SCN9A: variants seen among roughly 807,000 people sequenced by gnomAD.
SCN9A encodes the protein sodium channel protein type 9 subunit alpha.
In SCN9A, 131 loss-of-function variants were observed where a neutral mutation model predicts 187.0. The observed-to-expected ratio is 0.70, with a 90% confidence interval of 0.61 to 0.81. The LOEUF is 0.81. Ranked by LOEUF, SCN9A falls within the 30% of genes least tolerant of loss-of-function variation. The pLI is 0.00. For missense variants in SCN9A, 2,252 were observed against 2,396.6 expected (o/e 0.94, Z 1.26); for synonymous variants, 809 against 808.6 (o/e 1.00, Z -0.01).
chr2:166,263,985 CTGT>C (rs1404966448), intron 17 of SCN9A, among the ~76,000 whole-genome samples: 1 of 152,016 alleles, frequency 6.6e-6, no homozygotes, highest in Non-Finnish European at 1.5e-5. Flanking sequence ...GAATAAATTT[CTGT>C]TGTTGTAAGC....
At chr2:166,201,758 C>A (rs141632761) in intron 26 of SCN9A, among the ~76,000 whole-genome samples, 2 of 150,936 alleles carry the variant, frequency 1.3e-5, no homozygotes, top group Non-Finnish European at 3.0e-5. Context: ...CTCCAGAAAG[C>A]CTGTACTAAT....
chr2:166,343,067 TAACTAAA>T (rs1310869785), intron 1 of SCN9A, among the ~76,000 whole-genome samples: 2 of 152,224 alleles, frequency 1.3e-5, no homozygotes, highest in African/African-American at 4.8e-5. Context: ...CCTGTAAAAT[TAACTAAA>T]TAATGTAGTG....
intron 9 of SCN9A, among the ~76,000 whole-genome samples, chr2:166,291,712 A>T (rs914610424): frequency 3.9e-5 from 6 of 152,214 alleles, no homozygotes; most frequent in African/African-American, 9.6e-5. Flanking sequence ...TGGTAGTGGT[A>T]CCCAAACAGA....
At position 166,306,583 on chromosome 2, in the gene SCN9A, T is replaced by C. The variant is rs897659085; in HGVS notation, c.394A>G (p.Ile132Val). 4 of 1,576,114 alleles carry C rather than the reference T, an allele frequency of 2.5e-6. No homozygotes were observed. Among genetic ancestry groups the C allele is most frequent in the Admixed American group, 3.7e-5 (2 of 54,734 alleles). The change falls in exon 4 of 27, where the codon ATC becomes GTC. Residue 132 changes from isoleucine to valine, a missense_variant. This residue lies in a region of SCN9A where 1,013 missense variants were observed against 997.4 expected (regional missense o/e 1.02). Coordinates refer to ENST00000642356, the MANE Select transcript of SCN9A (RefSeq NM_001365536.1). Reference sequence around the variant, plus strand: ...CAGTTTGTCAGAATAGTGCACATGATGAGCATGCTGAATAAGGTAGCTTAG... The same window carrying C: ...CAGTTTGTCAGAATAGTGCACATGACGAGCATGCTGAATAAGGTAGCTTAG... The part of the protein sequence containing the change: ...ILVHSLFSML[I>V]MCTILTNCIF...
chr2:166,217,779 A>G (rs1474994525), intron 24 of SCN9A, among the ~76,000 whole-genome samples: 1 of 152,084 alleles, frequency 6.6e-6, no homozygotes, highest in Non-Finnish European at 1.5e-5. Context: ...GTAAATTAGT[A>G]CAGCTGTTTG....
rs766012083 is a variant in SCN9A at position 166,272,630 on chromosome 2, G to C, written c.3120C>G (p.Asn1040Lys). The C allele has an allele frequency of 2.5e-6, 4 of 1,613,122 alleles. No homozygotes were observed. Among genetic ancestry groups the C allele is most frequent in the South Asian group, 2.2e-5 (2 of 91,048 alleles). The change falls in exon 17 of 27, where the codon AAC becomes AAG. Residue 1040 changes from asparagine to lysine, a missense_variant. Transcript: ENST00000642356. The stretch of plus-strand genomic sequence containing the variant: ...CTTTGCTCATTTCAGCAAGTGTATG[G>C]TTAGAAATATAGTTTTCCTTCTTAG... ...LNTKKENYISNHTLAEMSKGH... is the reference protein window; with the variant it reads ...LNTKKENYISKHTLAEMSKGH...
chr2:166,197,704 T>C lies in SCN9A; in HGVS notation c.*968A>G, dbSNP rs1693284003. The C allele has an allele frequency of 6.6e-6, 1 of 152,182 alleles. No individual in the cohort carries two copies. The highest frequency in any genetic ancestry group is 6.5e-5 in the Admixed American group (1 of 15,268). The allele number at this position is 152,182 out of a possible 1,614,324, so 9.4% of individuals were successfully genotyped here. On this transcript the variant is annotated 3_prime_UTR_variant, in exon 27 of 27. Coordinates refer to ENST00000642356, the MANE Select transcript of SCN9A (RefSeq NM_001365536.1). ...ATATCAGGAAGGATTTCATCAACTTTGCTTACAGCGAAAGGATGACTAAAC... is the reference window on the plus strand; with the variant it reads ...ATATCAGGAAGGATTTCATCAACTTCGCTTACAGCGAAAGGATGACTAAAC...
intron 21 of SCN9A, among the ~76,000 whole-genome samples, chr2:166,230,299 T>C (rs752226268): frequency 6.6e-6 from 1 of 152,170 alleles, no homozygotes; most frequent in Non-Finnish European, 1.5e-5. Context: ...ACAAACATTA[T>C]GGTTGTGCTG....
At chr2:166,236,489 C>T (rs1359053501) in intron 20 of SCN9A, among the ~76,000 whole-genome samples, 3 of 152,118 alleles carry the variant, frequency 2.0e-5, no homozygotes, top group African/African-American at 7.2e-5. Flanking sequence ...GGCACGATCT[C>T]GACTCACTGA....
intron 1 of SCN9A, among the ~76,000 whole-genome samples, chr2:166,373,893 A>G (rs1243677587): frequency 6.6e-6 from 1 of 152,224 alleles, no homozygotes; most frequent in Non-Finnish European, 1.5e-5. Context: ...AGATTTTATT[A>G]TTCATGTAAA....
rs557645409 is a variant in SCN9A, at chr2:166,295,548, G to A, written c.902-886C>T. 5.3e-5 allele frequency among the ~76,000 whole-genome samples: 8 copies of A among 152,168 alleles called. No individual in the cohort carries two copies. In the South Asian group the frequency reaches 1.2e-3, roughly 24 times the overall value. ...AGGCAACTGTTATACAATGGAAAGT[G>A]TGTATCTAAAGACAGAAAAGGTACA... On this transcript the variant is annotated intron_variant, in intron 7 of 26. Coordinates refer to ENST00000642356, the MANE Select transcript of SCN9A (RefSeq NM_001365536.1).
At chr2:166,325,305 A>G (rs2105253603) in intron 1 of SCN9A, among the ~76,000 whole-genome samples, 1 of 152,308 alleles carries the variant, frequency 6.6e-6, no homozygotes, top group South Asian at 2.1e-4. Flanking sequence ...CAATTAATAC[A>G]TTAAAAATAC....
intron 17 of SCN9A, among the ~76,000 whole-genome samples, chr2:166,255,955 T>C (rs1000692744): frequency 3.4e-4 from 52 of 151,666 alleles, no homozygotes; most frequent in Non-Finnish European, 8.9e-5. Context: ...TCAATATCTA[T>C]AATTGTGTTC....
At chr2:166,212,117 G>A (rs910479049) in intron 24 of SCN9A, among the ~76,000 whole-genome samples, 4 of 152,158 alleles carry the variant, frequency 2.6e-5, no homozygotes, top group African/African-American at 9.7e-5. Context: ...AGAGCAATGG[G>A]GCTATACAGT....
intron 18 of SCN9A, among the ~76,000 whole-genome samples, chr2:166,251,074 T>C (rs564833807): frequency 6.6e-6 from 1 of 151,948 alleles, no homozygotes; most frequent in South Asian, 2.1e-4. Context: ...CAATGGGGAA[T>C]TGTAAGCAGA....
rs180949263 is a variant in SCN9A, at chr2:166,198,934, C to T, written c.5705G>A (p.Arg1902His). The T allele has an allele frequency of 5.6e-6, 9 of 1,613,884 alleles. No homozygotes were observed. The highest frequency in any genetic ancestry group is 4.5e-5 in the East Asian group (2 of 44,878). ...SATVIQRAYR[R>H]YRLRQNVKNI... ...TTTGACATTTTGCCTTAAGCGGTAA[C>T]GTCTATAAGCACGCTGAATGACAGT... Residue 1902 changes from arginine (R) to histidine (H), a missense_variant, in exon 27 of 27, where the codon CGT becomes CAT. This residue lies in a region of SCN9A where 345 missense variants were observed against 344.6 expected (regional missense o/e 1.00). Transcript: ENST00000642356.
In SCN9A at chr2:166,198,930, G is replaced by A. The variant is rs1402749130; in HGVS notation, c.5709C>T (p.Tyr1903=). ...ATVIQRAYRR[Y]RLRQNVKNIS... is the part of the protein sequence containing the mutation. ...TATTTTTGACATTTTGCCTTAAGCG[G>A]TAACGTCTATAAGCACGCTGAATGA... The change falls in exon 27 of 27, where the codon TAC becomes TAT. Residue 1903 remains tyrosine, a synonymous_variant. Transcript: ENST00000642356. 5.0e-6 allele frequency: 8 copies of A among 1,613,786 alleles called. No homozygotes were observed. The highest frequency in any genetic ancestry group is 6.8e-6 in the Non-Finnish European group (8 of 1,179,886).
chr2:166,320,808 G>A (rs1699218699), intron 1 of SCN9A, among the ~76,000 whole-genome samples: 1 of 152,104 alleles, frequency 6.6e-6, no homozygotes, highest in African/African-American at 2.4e-5. Flanking sequence ...TGTTAAAAAT[G>A]CAGCTAAGTA....
At chr2:166,241,701 C>T (rs1412182416) in intron 19 of SCN9A, among the ~76,000 whole-genome samples, 2 of 152,032 alleles carry the variant, frequency 1.3e-5, no homozygotes, top group Admixed American at 6.6e-5. Flanking sequence ...CTCCTTGCTA[C>T]AGAACTTTGT....
Sources: gnomAD v4.1 joint callset for allele counts (sites outside exome capture counted in the v4.1 genomes callset) on GRCh38, gnomAD v4.1.1 for gene constraint, gnomAD v4.1.1 regional missense constraint, MANE v1.5 for transcripts, NCBI Gene and HGNC (gene_info 2026-07-23, HGNC 2026-07-21) for gene names.